EPHA3: variants seen among roughly 807,000 people sequenced by gnomAD.
EPHA3 encodes the protein ephrin type-A receptor 3.
In EPHA3, 42 loss-of-function variants were observed where a neutral mutation model predicts 107.1. That is an observed-to-expected ratio of 0.39 (90% confidence interval 0.31 to 0.51). The LOEUF is 0.51. EPHA3 is among the 20% of genes least tolerant of loss of function. The pLI is 0.78. For missense variants in EPHA3, 1,183 were observed against 1,211.2 expected, an observed-to-expected ratio of 0.98 and a Z score of 0.35; for synonymous variants, 461 against 424.8, an observed-to-expected ratio of 1.09 and a Z score of -1.05.
At chr3:89,351,201 C>T (rs1171869817) in intron 5 of EPHA3, among the ~76,000 whole-genome samples, 7 of 151,244 alleles carry the variant, frequency 4.6e-5, no homozygotes, top group African/African-American at 1.2e-4. Context: ...CAATGGCGGG[C>T]GCCCCTCCCC....
At chr3:89,154,370 AT>A (rs1293877244) in intron 2 of EPHA3, among the ~76,000 whole-genome samples, 20 of 151,948 alleles carry the variant, frequency 1.3e-4, no homozygotes, top group Non-Finnish European at 1.5e-5. Flanking sequence ...TAATGAATTA[AT>A]AAATGTAGGA....
At chr3:89,132,685 A>G (rs1469919930) in intron 2 of EPHA3, among the ~76,000 whole-genome samples, 1 of 152,106 alleles carries the variant, frequency 6.6e-6, no homozygotes, top group Admixed American at 6.6e-5. Flanking sequence ...GCCTGGGAAA[A>G]CACAGTGATA....
Position 89,364,489 on chromosome 3 carries a change from G to C in EPHA3, c.1306+22399G>C, listed in dbSNP as rs773605633. Among the ~76,000 whole-genome samples, 11 of 151,114 alleles carry C rather than the reference G, an allele frequency of 7.3e-5. 1 individual carries two copies. Among genetic ancestry groups the C allele is most frequent in the Non-Finnish European group, 1.3e-4 (9 of 67,462 alleles). On this transcript the variant is annotated intron_variant, in intron 5 of 16. Coordinates refer to ENST00000336596, the MANE Select transcript of EPHA3 (RefSeq NM_005233.6). The stretch of plus-strand genomic sequence containing the variant: ...AAGAAAAACTCTTTCCCAGTTGCAA[G>C]GCTGCAGACAGGCAGAAAATTTATA...
chr3:89,121,862 T>G (rs1707397879), intron 1 of EPHA3, among the ~76,000 whole-genome samples: 1 of 152,136 alleles, frequency 6.6e-6, no homozygotes, highest in Non-Finnish European at 1.5e-5. Flanking sequence ...ATAAAAGTTA[T>G]GTTGCAATAT....
chr3:89,337,016 C>T (rs1707407249), intron 3 of EPHA3, among the ~76,000 whole-genome samples: 1 of 151,028 alleles, frequency 6.6e-6, no homozygotes, highest in South Asian at 2.1e-4. Context: ...TGCCTCTGCA[C>T]TCCAACCTGG....
chr3:89,160,284 A>C (rs1576193453), intron 2 of EPHA3, among the ~76,000 whole-genome samples: 1 of 152,242 alleles, frequency 6.6e-6, no homozygotes, highest in African/African-American at 2.4e-5. Flanking sequence ...ATGCTATGTT[A>C]AAGTTTGAAA....
At chr3:89,453,352 G>T (rs1223095165) in intron 15 of EPHA3, among the ~76,000 whole-genome samples, 1 of 152,004 alleles carries the variant, frequency 6.6e-6, no homozygotes, top group African/African-American at 2.4e-5. Context: ...TAATATGTGA[G>T]GCTATGTCCT....
In EPHA3 at chr3:89,218,400, C is replaced by G. The variant is rs1704270898; in HGVS notation, c.814+7880C>G. Among the ~76,000 whole-genome samples the G allele has an allele frequency of 2.7e-5, 4 of 149,782 alleles. No homozygotes were observed. In the Admixed American group the frequency reaches 2.7e-4, roughly 10 times the overall value. ...GTGAGAACATGTTTGGTTTTCTTGT[C>G]CTTGCGATAGTTTGCTGAGAATGAT... On this transcript the variant is annotated intron_variant, in intron 3 of 16. Coordinates refer to ENST00000336596, the MANE Select transcript of EPHA3 (RefSeq NM_005233.6).
intron 5 of EPHA3, among the ~76,000 whole-genome samples, chr3:89,356,777 T>C (rs1454586172): frequency 6.6e-6 from 1 of 150,910 alleles, no homozygotes; most frequent in Non-Finnish European, 1.5e-5. Flanking sequence ...TATTGGCCTA[T>C]ATCTCTTAGT....
chr3:89,454,197 C>T (rs1020157659), intron 15 of EPHA3, among the ~76,000 whole-genome samples: 23 of 152,126 alleles, frequency 1.5e-4, no homozygotes, highest in African/African-American at 5.3e-4. Context: ...GTCAATATTA[C>T]CCCTGCTGGC....
chr3:89,136,950 T>A (rs1205687114), intron 2 of EPHA3, among the ~76,000 whole-genome samples: 1 of 151,952 alleles, frequency 6.6e-6, no homozygotes, highest in African/African-American at 2.4e-5. Flanking sequence ...AACAAATAAC[T>A]TTGGCACTAA....
At chr3:89,215,203 G>A (rs1230578781) in intron 3 of EPHA3, among the ~76,000 whole-genome samples, 1 of 151,916 alleles carries the variant, frequency 6.6e-6, no homozygotes. Flanking sequence ...AAAGGCAGTG[G>A]AGAAGCAGTA....
At chr3:89,131,809 C>G (rs1035447279) in intron 2 of EPHA3, among the ~76,000 whole-genome samples, 1 of 152,172 alleles carries the variant, frequency 6.6e-6, no homozygotes, top group African/African-American at 2.4e-5. Context: ...GGTGAACATG[C>G]ACTTAAAGGA....
chr3:89,148,356 G>C (rs1360687513), intron 2 of EPHA3, among the ~76,000 whole-genome samples: 1 of 151,880 alleles, frequency 6.6e-6, no homozygotes, highest in African/African-American at 2.4e-5. Context: ...TTACTGGAAA[G>C]AGTCTCTTCT....
chr3:89,347,955 G>C (rs917989321), intron 5 of EPHA3, among the ~76,000 whole-genome samples: 1 of 151,108 alleles, frequency 6.6e-6, no homozygotes, highest in Non-Finnish European at 1.5e-5. Context: ...TTGCATCCCA[G>C]GGATGAAGCC....
intron 2 of EPHA3, among the ~76,000 whole-genome samples, chr3:89,203,330 A>AAAAC (rs1706018374): frequency 7.6e-5 from 7 of 91,678 alleles, no homozygotes; most frequent in Non-Finnish European, 1.9e-4. Context: ...GAATTAAAAA[A>AAAAC]AAAACAAAAC....
rs1271278009 is a variant in EPHA3 at position 89,233,673 on chromosome 3, A to G, written c.814+23153A>G. ...TATAGGTCTTGCACAATTTCTAACC[A>G]AAGGCTGGAGTATAGTACTAGCCCT... is the stretch of plus-strand genomic sequence containing the variant. On this transcript the variant is annotated intron_variant, in intron 3 of 16. Transcript: ENST00000336596. 2.6e-5 allele frequency among the ~76,000 whole-genome samples: 4 copies of G among 152,174 alleles called. No individual in the cohort carries two copies. The South Asian group carries it at 6.2e-4, about 24-fold the overall frequency.
intron 15 of EPHA3, among the ~76,000 whole-genome samples, chr3:89,460,871 A>T (rs1438999252): frequency 1.6e-5 from 2 of 124,692 alleles, no homozygotes; most frequent in Non-Finnish European, 3.4e-5. Flanking sequence ...ACATGTGCAC[A>T]TTGTGCAGGT....
At chr3:89,385,148 G>GA (rs1009445643) in intron 5 of EPHA3, among the ~76,000 whole-genome samples, 24 of 151,914 alleles carry the variant, frequency 1.6e-4, no homozygotes, top group South Asian at 2.1e-4. Context: ...ATTTCATTAT[G>GA]AAAAAAAATT....
Sources: allele counts gnomAD v4.1 joint callset (sites outside exome capture counted in the v4.1 genomes callset), GRCh38; gene constraint gnomAD v4.1.1; transcripts MANE v1.5; gene names NCBI Gene and HGNC (gene_info 2026-07-23, HGNC 2026-07-21).